The following STX7 variants were observed in gnomAD, a reference collection of about 807,000 sequenced individuals.
The protein encoded by STX7 is syntaxin-7.
In STX7, 34 loss-of-function variants were observed where a neutral mutation model predicts 39.6. The ratio of observed to expected loss-of-function variants is 0.86; its 90% CI spans 0.65 to 1.14. STX7 has a LOEUF of 1.14. STX7 is among the 50% of genes most tolerant of loss of function. STX7 has a pLI of 0.00. For missense variants in STX7, 284 were observed against 310.4 expected (o/e 0.92, Z 0.64); for synonymous variants, 119 against 99.1 (o/e 1.20, Z -1.19).
intron 1 of STX7, among the ~76,000 whole-genome samples, chr6:132,504,491 C>A (rs1388830894): frequency 6.6e-6 from 1 of 152,170 alleles, no homozygotes. Flanking sequence ...TACAGAACTG[C>A]GCACAGCAAA....
chr6:132,497,196 G>C (rs983163410), intron 2 of STX7, among the ~76,000 whole-genome samples: 1 of 152,142 alleles, frequency 6.6e-6, no homozygotes, highest in Non-Finnish European at 1.5e-5. Context: ...ACAACCAGTA[G>C]AAAGAATAAA....
chr6:132,504,389 C>G (rs1047007217), intron 1 of STX7, among the ~76,000 whole-genome samples: 1 of 152,184 alleles, frequency 6.6e-6, no homozygotes, highest in Non-Finnish European at 1.5e-5. Flanking sequence ...GATACTGCCA[C>G]AGGAGGCAGG....
At position 132,457,079 on chromosome 6, in the gene STX7, T is replaced by G. The variant is rs969599818; in HGVS notation, c.*3679A>C. On this transcript the variant is annotated 3_prime_UTR_variant, in exon 10 of 10. Transcript: ENST00000367941. ...CGCCAACAGCACAGCCTTCTGGATGTTCTCAAGAGTCACAGCAGTGCCTGG... is the reference window on the plus strand; with the variant it reads ...CGCCAACAGCACAGCCTTCTGGATGGTCTCAAGAGTCACAGCAGTGCCTGG... 1 of 152,304 alleles carries G rather than the reference T, an allele frequency of 6.6e-6. No individual in the cohort carries two copies. Among genetic ancestry groups the G allele is most frequent in the East Asian group, 1.9e-4 (1 of 5,204 alleles). 9.4% of individuals were successfully genotyped at this position (152,304 alleles called of 1,614,324 possible).
At chr6:132,507,779 T>A (rs1775743990) in intron 1 of STX7, among the ~76,000 whole-genome samples, 2 of 152,364 alleles carry the variant, frequency 1.3e-5, no homozygotes, top group East Asian at 1.9e-4. Context: ...CTGGAAAAAC[T>A]GGCTTACAAG....
At chr6:132,508,281 A>C (rs1309666643) in intron 1 of STX7, among the ~76,000 whole-genome samples, 1 of 152,204 alleles carries the variant, frequency 6.6e-6, no homozygotes, top group African/African-American at 2.4e-5. Context: ...CCTTACCCTT[A>C]AAACTCACAC....
chr6:132,503,189 T>C lies in STX7; in HGVS notation c.85+257A>G, dbSNP rs73551862. 0.023 allele frequency among the ~76,000 whole-genome samples: 3,494 copies of C among 152,358 alleles called. 72 individuals are homozygous for C. The highest frequency in any genetic ancestry group is 0.044 in the African/African-American group (1,818 of 41,588). On this transcript the variant is annotated intron_variant, in intron 2 of 9. Transcript: ENST00000367941. ...TTAAAGCAGATATAAGAATCCATTA[T>C]CCTTTTAAATCTTTATTTTATTTAA...
At chr6:132,465,175 G>A (rs185287592) in intron 8 of STX7, among the ~76,000 whole-genome samples, 3 of 152,108 alleles carry the variant, frequency 2.0e-5, no homozygotes, top group African/African-American at 7.2e-5. Context: ...TTCCAAAGAC[G>A]AACACCTTTC....
rs982750911 is a variant in STX7 at position 132,471,723 on chromosome 6, G to T, written c.250-123C>A. The stretch of plus-strand genomic sequence containing the variant: ...TACTCCCCAATTACAGGGCCTTACA[G>T]ATTAACTCTCAGTAACATTCTGATA... On this transcript the variant is annotated intron_variant, in intron 4 of 9. Coordinates refer to ENST00000367941, the MANE Select transcript of STX7 (RefSeq NM_003569.3). 5.5e-6 allele frequency: 6 copies of T among 1,095,594 alleles called. No individual in the cohort carries two copies. In the East Asian group the frequency reaches 1.2e-4, roughly 22 times the overall value. 67.9% of individuals were successfully genotyped at this position (1,095,594 alleles called of 1,614,324 possible). A position where few individuals can be genotyped will look rare whatever the true frequency, so the allele number is the denominator to read the frequency against.
chr6:132,506,790 C>T (rs1405869348), intron 1 of STX7, among the ~76,000 whole-genome samples: 1 of 151,762 alleles, frequency 6.6e-6, no homozygotes, highest in African/African-American at 2.4e-5. Flanking sequence ...TACTGGGTAT[C>T]TACCCAAAAG....
At position 132,458,020 on chromosome 6, in the gene STX7, C is replaced by A. The variant is rs1404936652; in HGVS notation, c.*2738G>T. 1 of 152,144 alleles carries A rather than the reference C, an allele frequency of 6.6e-6. No homozygotes were observed. The highest frequency in any genetic ancestry group is 1.5e-5 in the Non-Finnish European group (1 of 68,016). The allele number at this position is 152,144 out of a possible 1,614,324, so 9.4% of individuals were successfully genotyped here. A position where few individuals can be genotyped will look rare whatever the true frequency, so the allele number is the denominator to read the frequency against. On this transcript the variant is annotated 3_prime_UTR_variant, in exon 10 of 10. Transcript: ENST00000367941. ...ACTACATAAACTATTTTGTACTTTC[C>A]TTGCTAAACCACAGATGTATTTCAT...
intron 2 of STX7, among the ~76,000 whole-genome samples, chr6:132,490,336 C>T (rs751438478): frequency 1.3e-5 from 2 of 152,188 alleles, no homozygotes; most frequent in Non-Finnish European, 2.9e-5. Context: ...CCTTTTACTT[C>T]AGTCATTTCT....
rs1217781869 is a variant in STX7 at position 132,459,117 on chromosome 6, GC to G, written c.*1640del. The G allele has an allele frequency of 1.3e-5, 2 of 152,208 alleles. No homozygotes were observed. Among genetic ancestry groups the G allele is most frequent in the Non-Finnish European group, 2.9e-5 (2 of 68,060 alleles). The allele number at this position is 152,208 out of a possible 1,614,324, so 9.4% of individuals were successfully genotyped here. A position where few individuals can be genotyped will look rare whatever the true frequency, so the allele number is the denominator to read the frequency against. On this transcript the variant is annotated 3_prime_UTR_variant, in exon 10 of 10. Coordinates refer to ENST00000367941, the MANE Select transcript of STX7 (RefSeq NM_003569.3). The stretch of plus-strand genomic sequence containing the variant: ...TGAAGTAAAGACCACATTTGAGCAG[GC>G]CTGGTGGGCTGGCACAGGCCTCAGA...
chr6:132,452,628 C>T lies in STX7; in HGVS notation c.*8130G>A, dbSNP rs1774158010. The T allele has an allele frequency of 6.6e-6, 1 of 152,076 alleles. No individual in the cohort carries two copies. The highest frequency in any genetic ancestry group is 2.4e-5 in the African/African-American group (1 of 41,442). 9.4% of individuals were successfully genotyped at this position (152,076 alleles called of 1,614,324 possible). A position where few individuals can be genotyped will look rare whatever the true frequency, so the allele number is the denominator to read the frequency against. ...GAAATTCAAAATACAATGCCATTTA[C>T]AATCTCTCTCAAAAATTAAATTGCT... On this transcript the variant is annotated 3_prime_UTR_variant, in exon 10 of 10. Coordinates refer to ENST00000367941, the MANE Select transcript of STX7 (RefSeq NM_003569.3).
At chr6:132,465,660 T>C (rs1774547415) in intron 8 of STX7, among the ~76,000 whole-genome samples, 1 of 152,234 alleles carries the variant, frequency 6.6e-6, no homozygotes, top group Admixed American at 6.5e-5. Context: ...TCCTCTGGCA[T>C]TATCATTCTC....
At position 132,460,551 on chromosome 6, in the gene STX7, C is replaced by T. The variant is rs1198385151; in HGVS notation, c.*207G>A. Reference sequence around the variant, plus strand: ...AAATTGAAGACCAAGGGAGTTATGTCAGCAGTGACATTTAGAAAATCTTTC... The same window carrying T: ...AAATTGAAGACCAAGGGAGTTATGTTAGCAGTGACATTTAGAAAATCTTTC... On this transcript the variant is annotated 3_prime_UTR_variant, in exon 10 of 10. Coordinates refer to ENST00000367941, the MANE Select transcript of STX7 (RefSeq NM_003569.3). The T allele has an allele frequency of 2.5e-6, 1 of 405,358 alleles. No homozygotes were observed. The highest frequency in any genetic ancestry group is 4.4e-6 in the Non-Finnish European group (1 of 229,130). 25.1% of individuals were successfully genotyped at this position (405,358 alleles called of 1,614,324 possible). A position where few individuals can be genotyped will look rare whatever the true frequency, so the allele number is the denominator to read the frequency against.
chr6:132,475,394 T>A (rs1462335491), intron 3 of STX7, 199 bp downstream of exon 3: 1 of 353,602 alleles, frequency 2.8e-6, no homozygotes, highest in African/African-American at 2.1e-5. Flanking sequence ...ATCTTTAATA[T>A]AAAAACACCT....
chr6:132,470,464 A>G, intron 6 of STX7, 110 bp downstream of exon 6: 1 of 711,532 alleles, frequency 1.4e-6, no homozygotes, highest in Non-Finnish European at 2.2e-6. Flanking sequence ...TAAACAACTT[A>G]GGATATTTAT....
chr6:132,513,281 T>C (rs1169662876), upstream of STX7: 1 of 152,256 alleles, frequency 6.6e-6, no homozygotes, highest in African/African-American at 2.4e-5. Flanking sequence ...GACGTAGAGA[T>C]GGTGAACGCC....
intron 1 of STX7, among the ~76,000 whole-genome samples, chr6:132,507,201 T>C (rs1335698717): frequency 6.6e-6 from 1 of 152,202 alleles, no homozygotes; most frequent in Non-Finnish European, 1.5e-5. Flanking sequence ...ATGTACATTA[T>C]TCAGGTGATG....
Sources: allele counts gnomAD v4.1 joint callset (sites outside exome capture counted in the v4.1 genomes callset), GRCh38; gene constraint gnomAD v4.1.1; transcripts MANE v1.5; gene names NCBI Gene and HGNC (gene_info 2026-07-23, HGNC 2026-07-21).